The following MAF variants were observed in gnomAD, a reference collection of about 807,000 sequenced individuals.
MAF encodes transcription factor Maf.
A neutral mutation model predicts 22.0 loss-of-function variants in MAF; 10 were observed. That is an observed-to-expected ratio of 0.45 (90% confidence interval 0.28 to 0.77). The LOEUF (loss-of-function observed/expected upper bound fraction) is 0.77. Among genes scored for constraint, MAF ranks in the 30% least tolerant of loss-of-function variants. The probability of loss-of-function intolerance (pLI) is 0.12; values close to 1 mark genes in which losing one functional copy is unlikely to be tolerated. For missense variants in MAF, 544 were observed against 548.4 expected (o/e 0.99, Z 0.08); for synonymous variants, 337 against 255.8 (o/e 1.32, Z -3.03).
At chr16:79,313,988 T>C in the MAF span, among the ~76,000 whole-genome samples, 3 of 152,174 alleles carry the variant, frequency 2.0e-5, no homozygotes, top group African/African-American at 2.4e-5. Flanking sequence ...GGGAAAACTA[T>C]GGCGTTGGAA....
At chr16:79,367,442 T>A in the MAF span, among the ~76,000 whole-genome samples, 1 of 152,160 alleles carries the variant, frequency 6.6e-6, no homozygotes, top group African/African-American at 2.4e-5. Context: ...TTGTCTGCAG[T>A]CAGAACAAAT....
the MAF span, among the ~76,000 whole-genome samples, chr16:79,539,270 G>A: frequency 2.0e-5 from 3 of 152,206 alleles, no homozygotes; most frequent in Non-Finnish European, 4.4e-5. Flanking sequence ...TCGGGAGGCC[G>A]AGCCGGGTGG....
At chr16:79,261,404 C>T in the MAF span, among the ~76,000 whole-genome samples, 2 of 152,160 alleles carry the variant, frequency 1.3e-5, no homozygotes, top group Non-Finnish European at 2.9e-5. Context: ...CCACCCGCCT[C>T]GGCCTCCCAA....
At chr16:79,405,540 C>A in the MAF span, among the ~76,000 whole-genome samples, 1 of 152,158 alleles carries the variant, frequency 6.6e-6, no homozygotes, top group Non-Finnish European at 1.5e-5. Flanking sequence ...TCTCTTGTCC[C>A]AGGGAGGAAA....
chr16:79,346,371 C>A, the MAF span, among the ~76,000 whole-genome samples: 1 of 152,072 alleles, frequency 6.6e-6, no homozygotes, highest in African/African-American at 2.4e-5. Flanking sequence ...CTTTGTAATT[C>A]TTTCTCACCT....
the MAF span, among the ~76,000 whole-genome samples, chr16:79,392,182 GAGA>G: frequency 1.1e-4 from 17 of 148,086 alleles, no homozygotes; most frequent in Admixed American, 2.7e-4. Flanking sequence ...GAAGAAGGAA[GAGA>G]AGAAGGAGAG....
the MAF span, among the ~76,000 whole-genome samples, chr16:79,346,652 G>C: frequency 6.6e-6 from 1 of 151,622 alleles, no homozygotes; most frequent in Non-Finnish European, 1.5e-5. Flanking sequence ...TGTTGTGGTG[G>C]ATCTACACGA....
At chr16:79,451,366 G>C in the MAF span, among the ~76,000 whole-genome samples, 1 of 152,246 alleles carries the variant, frequency 6.6e-6, no homozygotes, top group South Asian at 2.1e-4. Context: ...ACAGCAGAGG[G>C]CTATACAAAG....
the MAF span, among the ~76,000 whole-genome samples, chr16:79,452,199 C>T: frequency 1.6e-4 from 25 of 152,146 alleles, no homozygotes; most frequent in Admixed American, 4.6e-4. Flanking sequence ...AATTGCTGAC[C>T]CCTGACAGAG....
chr16:79,445,984 C>T, the MAF span, among the ~76,000 whole-genome samples: 5 of 151,976 alleles, frequency 3.3e-5, no homozygotes, highest in Non-Finnish European at 1.5e-5. Context: ...AGCCTTTCTT[C>T]GGACAATGAC....
the MAF span, among the ~76,000 whole-genome samples, chr16:79,425,229 A>C: frequency 1.3e-5 from 2 of 152,292 alleles, no homozygotes; most frequent in African/African-American, 4.8e-5. Context: ...CTATTTGATT[A>C]ATTTATCATG....
the MAF span, among the ~76,000 whole-genome samples, chr16:79,356,345 C>G: frequency 6.6e-6 from 1 of 152,180 alleles, no homozygotes; most frequent in Non-Finnish European, 1.5e-5. Context: ...GCCACATCAT[C>G]ATCTCGGGTG....
the MAF span, among the ~76,000 whole-genome samples, chr16:79,209,912 C>T: frequency 1.2e-4 from 18 of 152,314 alleles, no homozygotes; most frequent in Admixed American, 7.2e-4. Context: ...TTCCATTAGA[C>T]TTGAGCCACA....
chr16:79,588,495 C>T (rs151176907), intron 1 of MAF, among the ~76,000 whole-genome samples: 9 of 151,990 alleles, frequency 5.9e-5, no homozygotes, highest in South Asian at 2.1e-4. Context: ...AGTGCAGTGG[C>T]GCAATCTGGG....
At chr16:79,258,820 C>T in the MAF span, among the ~76,000 whole-genome samples, 2 of 152,182 alleles carry the variant, frequency 1.3e-5, no homozygotes, top group African/African-American at 4.8e-5. Flanking sequence ...AGCCCACCCC[C>T]AAGGTCTCTC....
At chr16:79,585,155 T>G (rs1043129985), downstream of MAF, among the ~76,000 whole-genome samples, 2 of 152,214 alleles carry the variant, frequency 1.3e-5, no homozygotes, top group Non-Finnish European at 2.9e-5. Flanking sequence ...AGAATGTTGG[T>G]CTAGTTTTCC....
At chr16:79,441,956 A>G in the MAF span, among the ~76,000 whole-genome samples, 2 of 152,236 alleles carry the variant, frequency 1.3e-5, no homozygotes, top group Admixed American at 1.3e-4. Flanking sequence ...GGCACAGAGC[A>G]AAAGGTCATG....
the MAF span, among the ~76,000 whole-genome samples, chr16:79,470,629 G>T: frequency 6.6e-6 from 1 of 152,174 alleles, no homozygotes; most frequent in Admixed American, 6.5e-5. Flanking sequence ...AACTTACTGG[G>T]TATTATTCTT....
chr16:79,419,359 C>T, the MAF span, among the ~76,000 whole-genome samples: 1 of 152,190 alleles, frequency 6.6e-6, no homozygotes, highest in East Asian at 1.9e-4. Context: ...ACGTTTGACT[C>T]AGCACAAATG....
Sources: allele counts gnomAD v4.1 joint callset (sites outside exome capture counted in the v4.1 genomes callset), GRCh38; gene constraint gnomAD v4.1.1; transcripts MANE v1.5; gene names NCBI Gene and HGNC (gene_info 2026-07-23, HGNC 2026-07-21).